Variants in CALCR observed in about 807,000 individuals in gnomAD.
CALCR encodes the protein calcitonin receptor.
In CALCR, 47 loss-of-function variants were observed where a neutral mutation model predicts 59.5. The observed-to-expected ratio is 0.79, with a 90% CI of 0.63 to 1.01. The LOEUF (loss-of-function observed/expected upper bound fraction) is 1.01. Among genes scored for constraint, CALCR ranks in the 50% least tolerant of loss-of-function variants. The pLI, the probability that CALCR is intolerant of heterozygous loss-of-function variation, is 0.00. For synonymous variants in CALCR, 213 were observed against 211.3 expected, an observed-to-expected ratio of 1.01 and a Z score of -0.07; for missense variants, 566 against 597.1, an observed-to-expected ratio of 0.95 and a Z score of 0.54.
At chr7:93,475,138 C>G (rs947110097) in intron 5 of CALCR, among the ~76,000 whole-genome samples, 2 of 151,660 alleles carry the variant, frequency 1.3e-5, no homozygotes, top group Admixed American at 1.3e-4. Context: ...ATGACCAAAA[C>G]AGGTCTTATT....
intron 2 of CALCR, among the ~76,000 whole-genome samples, chr7:93,572,808 C>T (rs1346256009): frequency 6.6e-6 from 1 of 152,110 alleles, no homozygotes; most frequent in African/African-American, 2.4e-5. Context: ...AAAACAACTC[C>T]AAGATTATCT....
chr7:93,470,680 T>A (rs1800532214), intron 6 of CALCR, among the ~76,000 whole-genome samples: 1 of 151,684 alleles, frequency 6.6e-6, no homozygotes, highest in Non-Finnish European at 1.5e-5. Flanking sequence ...GGTTGGTTCC[T>A]TCAAATTTTA....
At chr7:93,451,695 T>C (rs11770887) in intron 8 of CALCR, among the ~76,000 whole-genome samples, 5 of 152,132 alleles carry the variant, frequency 3.3e-5, no homozygotes, top group African/African-American at 1.2e-4. Context: ...GATTCAGAAG[T>C]TGTGGTGTGG....
chr7:93,488,582 G>GCAAAAAAAAAAAAAAAAAAAAAAAAAA lies in CALCR; in HGVS notation c.-26-1576_-26-1575insTTTTTTTTTTTTTTTTTTTTTTTTTTG, dbSNP rs770479251. On this transcript the variant is annotated intron_variant, in intron 2 of 13. Transcript: ENST00000426151. ...GGAAAATTTACCAAGCAAATGGAAA[G>GCAAAAAAAAAAAAAAAAAAAAAAAAAA]AAAAAAAAAAAAAAAAAAAGCATGG... 1.5e-4 allele frequency among the ~76,000 whole-genome samples: 12 copies of GCAAAAAAAAAAAAAAAAAAAAAAAAAA among 78,030 alleles called. 2 individuals carry two copies. Among genetic ancestry groups the GCAAAAAAAAAAAAAAAAAAAAAAAAAA allele is most frequent in the African/African-American group, 2.0e-4 (4 of 19,996 alleles). The allele number at this position is 78,030 out of a possible 152,430, so 51.2% of individuals were successfully genotyped here.
At chr7:93,535,584 G>A (rs763012354) in intron 2 of CALCR, among the ~76,000 whole-genome samples, 1 of 151,768 alleles carries the variant, frequency 6.6e-6, no homozygotes, top group Non-Finnish European at 1.5e-5. Flanking sequence ...GTTTTTGAAT[G>A]CGTGAGTGAA....
chr7:93,462,508 A>G (rs1209108625), intron 7 of CALCR, among the ~76,000 whole-genome samples: 2 of 152,146 alleles, frequency 1.3e-5, no homozygotes, highest in Non-Finnish European at 2.9e-5. Context: ...TGACTGCTGC[A>G]ATCAGCACAG....
intron 2 of CALCR, among the ~76,000 whole-genome samples, chr7:93,558,503 G>A (rs1357597700): frequency 6.6e-6 from 1 of 151,992 alleles, no homozygotes; most frequent in Non-Finnish European, 1.5e-5. Context: ...TTGTTTCTCT[G>A]TATTTCTCAA....
At chr7:93,532,173 A>G (rs753840656) in intron 2 of CALCR, among the ~76,000 whole-genome samples, 1 of 152,072 alleles carries the variant, frequency 6.6e-6, no homozygotes, top group African/African-American at 2.4e-5. Flanking sequence ...CACTGTTTCA[A>G]AAGTTCCCTC....
At chr7:93,441,369 G>A (rs78440357) in intron 9 of CALCR, 4,831 of 325,446 alleles carry the variant, frequency 0.015, 180 homozygotes, top group African/African-American at 0.086. Flanking sequence ...TTGACTGGAA[G>A]GCATTTGATC....
intron 7 of CALCR, among the ~76,000 whole-genome samples, chr7:93,467,976 T>C (rs1453585549): frequency 2.0e-5 from 3 of 151,696 alleles, no homozygotes; most frequent in Non-Finnish European, 4.4e-5. Flanking sequence ...TTACTCTGAA[T>C]CTACATTTGT....
At chr7:93,472,309 T>C in intron 6 of CALCR, 66 bp downstream of exon 6, 1 of 906,906 alleles carries the variant, frequency 1.1e-6, no homozygotes, top group East Asian at 2.5e-5. Flanking sequence ...TTTACAGTTA[T>C]GCGTCCATTT....
chr7:93,447,758 T>A (rs1207409380), intron 8 of CALCR, among the ~76,000 whole-genome samples: 1 of 151,958 alleles, frequency 6.6e-6, no homozygotes, highest in African/African-American at 2.4e-5. Flanking sequence ...CCTTCCATCA[T>A]CTTCAGAATG....
At chr7:93,565,938 CA>C (rs1238546258) in intron 2 of CALCR, among the ~76,000 whole-genome samples, 1 of 152,114 alleles carries the variant, frequency 6.6e-6, no homozygotes, top group East Asian at 1.9e-4. Context: ...TGAGTCAAGT[CA>C]ATTTAAAATT....
chr7:93,474,245 A>G (rs1800617738), intron 5 of CALCR, among the ~76,000 whole-genome samples: 1 of 151,670 alleles, frequency 6.6e-6, no homozygotes, highest in South Asian at 2.1e-4. Flanking sequence ...TGGTGAGATA[A>G]TATTTATCAA....
In CALCR at chr7:93,452,168, G is replaced by A. The variant is rs117358528; in HGVS notation, c.649-8411C>T. Reference sequence around the variant, plus strand: ...TACATGAGATTCTGCATCTCTAACCGAAGCCCAGGTGATGCTGATGCAGAC... The same window carrying A: ...TACATGAGATTCTGCATCTCTAACCAAAGCCCAGGTGATGCTGATGCAGAC... On this transcript the variant is annotated intron_variant, in intron 8 of 13. Coordinates refer to ENST00000426151, the MANE Select transcript of CALCR (RefSeq NM_001742.4). Among the ~76,000 whole-genome samples the A allele has an allele frequency of 9.9e-5, 15 of 152,024 alleles. No homozygotes were observed. The East Asian group carries it at 2.7e-3, about 28-fold the overall frequency.
intron 8 of CALCR, among the ~76,000 whole-genome samples, chr7:93,458,280 C>T (rs1004472640): frequency 6.6e-6 from 1 of 152,182 alleles, no homozygotes; most frequent in African/African-American, 2.4e-5. Flanking sequence ...GCCACTGTCA[C>T]ACAGGATGCA....
chr7:93,505,803 A>T (rs1273074297), intron 2 of CALCR, among the ~76,000 whole-genome samples: 2 of 152,138 alleles, frequency 1.3e-5, no homozygotes, highest in African/African-American at 4.8e-5. Flanking sequence ...TTAAAAGGCC[A>T]CCTGGGACTA....
Position 93,479,359 on chromosome 7 carries a change from C to A in CALCR, c.200G>T (p.Gly67Val). ...ATATATATCCTTCTCTTTACCTTCT[C>A]CTTGGTATGCGGGTAACTGCTGCAT... is the stretch of plus-strand genomic sequence containing the variant. ...DRMQQLPAYQGEGPYCNRTWD... is the reference protein window; with the variant it reads ...DRMQQLPAYQVEGPYCNRTWD... Residue 67 changes from glycine (G) to valine (V), a missense_variant, in exon 4 of 14, where the codon GGA (glycine) becomes GTA (valine). Physicochemically the swap from Gly to Val is moderately radical, Grantham distance 109. Coordinates refer to ENST00000426151, the MANE Select transcript of CALCR (RefSeq NM_001742.4). 1 of 1,607,238 alleles carries A rather than the reference C, an allele frequency of 6.2e-7. No individual in the cohort carries two copies. Among genetic ancestry groups the A allele is most frequent in the Non-Finnish European group, 8.5e-7 (1 of 1,177,150 alleles).
At chr7:93,484,133 C>A (rs556302486) in intron 3 of CALCR, 4 of 310,216 alleles carry the variant, frequency 1.3e-5, no homozygotes, top group Admixed American at 3.3e-5. Context: ...AGCAGTGAAC[C>A]AAACTGGCAA....
Sources: allele counts gnomAD v4.1 joint callset (sites outside exome capture counted in the v4.1 genomes callset), GRCh38; gene constraint gnomAD v4.1.1; transcripts MANE v1.5; gene names NCBI Gene and HGNC (gene_info 2026-07-23, HGNC 2026-07-21).